The following USP15 variants were observed in gnomAD, a reference collection of about 807,000 sequenced individuals.
USP15 encodes the protein ubiquitin carboxyl-terminal hydrolase 15.
Under a neutral mutation model 127.1 loss-of-function variants are expected in USP15, and 18 were observed. The ratio of observed to expected loss-of-function variants is 0.14; its 90% CI spans 0.10 to 0.21. The LOEUF (loss-of-function observed/expected upper bound fraction) is 0.21. USP15 is among the 10% of genes least tolerant of loss of function. The pLI is 1.00. For missense variants in USP15, 805 were observed against 1,159.9 expected, an observed-to-expected ratio of 0.69 and a Z score of 4.44; for synonymous variants, 364 against 393.7, an observed-to-expected ratio of 0.92 and a Z score of 0.89.
chr12:62,269,580 A>AT (rs2063295148), intron 1 of USP15, among the ~76,000 whole-genome samples: 1 of 151,640 alleles, frequency 6.6e-6, no homozygotes, highest in Non-Finnish European at 1.5e-5. Context: ...CACTGTGTCT[A>AT]TTTTTTATTT....
chr12:62,309,650 G>T (rs1430939677), intron 3 of USP15, among the ~76,000 whole-genome samples: 1 of 151,978 alleles, frequency 6.6e-6, no homozygotes, highest in African/African-American at 2.4e-5. Flanking sequence ...AGATGCTTAA[G>T]TCCTAAACAC....
chr12:62,317,245 T>A (rs1324730406), intron 4 of USP15, among the ~76,000 whole-genome samples: 5 of 152,174 alleles, frequency 3.3e-5, no homozygotes, highest in African/African-American at 1.2e-4. Context: ...ACTTCATGGT[T>A]ATGGTTATAG....
At chr12:62,328,283 ATG>A (rs2065190612) in intron 6 of USP15, 1 of 453,220 alleles carries the variant, frequency 2.2e-6, no homozygotes, top group Admixed American at 2.4e-5. Flanking sequence ...TCTTTTTTAA[ATG>A]TTTTCAGCTT....
chr12:62,277,257 A>G (rs1158878689), intron 1 of USP15, among the ~76,000 whole-genome samples: 1 of 152,162 alleles, frequency 6.6e-6, no homozygotes, highest in East Asian at 1.9e-4. Flanking sequence ...TATGGTATTT[A>G]TATATTTCCT....
At chr12:62,401,063 A>C (rs1302507719) in intron 20 of USP15, 124 bp from the exon 21 acceptor site, 1 of 507,250 alleles carries the variant, frequency 2.0e-6, no homozygotes, top group Non-Finnish European at 3.3e-6. Context: ...ATATGTAATA[A>C]ATAAGCCTCA....
At chr12:62,292,689 T>A (rs1303861851) in intron 1 of USP15, among the ~76,000 whole-genome samples, 1 of 152,158 alleles carries the variant, frequency 6.6e-6, no homozygotes, top group Non-Finnish European at 1.5e-5. Context: ...TCTCTGTGTC[T>A]CTGCCAGGAG....
intron 1 of USP15, among the ~76,000 whole-genome samples, chr12:62,272,830 G>A (rs2063374126): frequency 6.6e-6 from 1 of 151,852 alleles, no homozygotes; most frequent in African/African-American, 2.4e-5. Context: ...ATCATTTTGA[G>A]GTATTCATGT....
At position 62,294,162 on chromosome 12, in the gene USP15, T is replaced by A; in HGVS notation, c.90-17T>A. 3 of 1,608,686 alleles carry A rather than the reference T, an allele frequency of 1.9e-6. No homozygotes were observed. The highest frequency in any genetic ancestry group is 2.5e-6 in the Non-Finnish European group (3 of 1,178,508). ...ATTTTCAGGTATTTTCCTTAACCAATTTCTTTTATTTTTTAGGTACCTAGT... is the reference window on the plus strand; with the variant it reads ...ATTTTCAGGTATTTTCCTTAACCAAATTCTTTTATTTTTTAGGTACCTAGT... On this transcript the variant is annotated splice_polypyrimidine_tract_variant and intron_variant, in intron 1 of 21. Coordinates refer to ENST00000280377, the MANE Select transcript of USP15 (RefSeq NM_001252078.2).
At chr12:62,308,782 G>C (rs963201293) in intron 3 of USP15, among the ~76,000 whole-genome samples, 1 of 152,080 alleles carries the variant, frequency 6.6e-6, no homozygotes, top group African/African-American at 2.4e-5. Flanking sequence ...GATAGAAATT[G>C]TTCACTGTAT....
At chr12:62,269,310 A>C (rs1363982526) in intron 1 of USP15, among the ~76,000 whole-genome samples, 1 of 152,088 alleles carries the variant, frequency 6.6e-6, no homozygotes, top group Non-Finnish European at 1.5e-5. Flanking sequence ...GTCAATTCTA[A>C]TACAATGGTA....
chr12:62,322,275 G>A (rs991818716), intron 5 of USP15, among the ~76,000 whole-genome samples: 2 of 151,988 alleles, frequency 1.3e-5, no homozygotes, highest in African/African-American at 4.8e-5. Context: ...CTGCAGACAT[G>A]TGCCACCACA....
chr12:62,298,478 A>G (rs1222842476), intron 2 of USP15, among the ~76,000 whole-genome samples: 6 of 152,136 alleles, frequency 3.9e-5, no homozygotes, highest in African/African-American at 1.4e-4. Context: ...CATTCTGGCC[A>G]ACATGGTGAA....
chr12:62,373,702 T>C (rs1364108637), intron 8 of USP15, among the ~76,000 whole-genome samples: 1 of 150,394 alleles, frequency 6.6e-6, no homozygotes, highest in Non-Finnish European at 1.5e-5. Context: ...TTGCCTAAGT[T>C]TGTTCTTTTT....
At chr12:62,386,469 C>A (rs560574107) in intron 11 of USP15, among the ~76,000 whole-genome samples, 129 of 152,122 alleles carry the variant, frequency 8.5e-4, no homozygotes, top group Middle Eastern at 3.4e-3. Context: ...ATTGCTCTGA[C>A]AGGGTGCTGC....
chr12:62,287,445 G>C (rs1159855888), intron 1 of USP15, among the ~76,000 whole-genome samples: 1 of 152,152 alleles, frequency 6.6e-6, no homozygotes. Flanking sequence ...TGAGTAGTTT[G>C]AGTTCCTTGT....
chr12:62,334,712 G>A (rs1017722386), intron 6 of USP15, among the ~76,000 whole-genome samples: 4 of 152,114 alleles, frequency 2.6e-5, no homozygotes, highest in Non-Finnish European at 1.5e-5. Context: ...ATGAAGTTAC[G>A]TTGTTTTACA....
At chr12:62,335,715 T>A (rs960831756) in intron 6 of USP15, 1 of 985,540 alleles carries the variant, frequency 1.0e-6, no homozygotes, top group Non-Finnish European at 1.2e-6. Flanking sequence ...TAAGCTTTTT[T>A]TTCTTTGACA....
intron 9 of USP15, 28 bp downstream of exon 9, chr12:62,381,691 G>C: frequency 1.9e-6 from 3 of 1,592,836 alleles, no homozygotes; most frequent in Non-Finnish European, 2.6e-6. Context: ...ATTTTAGCAA[G>C]GGTACCTGCA....
chr12:62,306,226 G>C (rs2137212928), intron 3 of USP15, among the ~76,000 whole-genome samples: 1 of 152,246 alleles, frequency 6.6e-6, no homozygotes, highest in Non-Finnish European at 1.5e-5. Context: ...AATGTTTGCT[G>C]TGTTAAGCTG....
Sources: allele counts gnomAD v4.1 joint callset (sites outside exome capture counted in the v4.1 genomes callset), GRCh38; gene constraint gnomAD v4.1.1; transcripts MANE v1.5; gene names NCBI Gene and HGNC (gene_info 2026-07-23, HGNC 2026-07-21).